Variants in SLIT2 observed in about 807,000 individuals in gnomAD.
SLIT2 encodes the protein slit homolog 2 protein.
SLIT2 carries 41 observed loss-of-function variants against 185.7 expected under a neutral mutation model. The ratio of observed to expected loss-of-function variants is 0.22; its 90% CI spans 0.17 to 0.29. The LOEUF (loss-of-function observed/expected upper bound fraction) is 0.29. Ranked by LOEUF, SLIT2 falls within the 10% of genes least tolerant of loss-of-function variation. The probability of loss-of-function intolerance (pLI) is 1.00; values close to 1 mark genes in which losing one functional copy is unlikely to be tolerated. For missense variants in SLIT2, 1,571 were observed against 1,909.0 expected (o/e 0.82, Z 3.30); for synonymous variants, 693 against 680.2 (o/e 1.02, Z -0.29).
At chr4:20,610,478 C>A (rs946785162) in intron 34 of SLIT2, among the ~76,000 whole-genome samples, 3 of 152,048 alleles carry the variant, frequency 2.0e-5, no homozygotes, top group Non-Finnish European at 4.4e-5. Flanking sequence ...TATATTTGAT[C>A]TGGTCTATGG....
chr4:20,415,293 C>T (rs1048584911), intron 4 of SLIT2, among the ~76,000 whole-genome samples: 6 of 151,810 alleles, frequency 4.0e-5, no homozygotes, highest in African/African-American at 1.2e-4. Context: ...CGCCTGTAGT[C>T]CCAGCTACTC....
chr4:20,536,006 G>C (rs977941076), intron 18 of SLIT2, among the ~76,000 whole-genome samples: 2 of 152,156 alleles, frequency 1.3e-5, no homozygotes, highest in African/African-American at 4.8e-5. Flanking sequence ...CTACAAACCT[G>C]TGCAGCATGT....
rs567520422 is a variant in SLIT2, at chr4:20,518,104, T to C, written c.1059-1278T>C. Among the ~76,000 whole-genome samples, 694 of 144,196 alleles carry C rather than the reference T, an allele frequency of 4.8e-3. 7 individuals are homozygous for C. The highest frequency in any genetic ancestry group is 0.017 in the African/African-American group (670 of 38,524). The allele number at this position is 144,196 out of a possible 152,430, so 94.6% of individuals were successfully genotyped here. A position where few individuals can be genotyped will look rare whatever the true frequency, so the allele number is the denominator to read the frequency against. Reference sequence around the variant, plus strand: ...GTGTGTATATATATATACACACACATATATATACATATACATATATATACA... The same window carrying C: ...GTGTGTATATATATATACACACACACATATATACATATACATATATATACA... On this transcript the variant is annotated intron_variant, in intron 11 of 36. Transcript: ENST00000504154.
At chr4:20,540,864 T>C (rs777084220) in intron 19 of SLIT2, among the ~76,000 whole-genome samples, 4 of 152,330 alleles carry the variant, frequency 2.6e-5, no homozygotes, top group Non-Finnish European at 4.4e-5. Context: ...AGGTTTATGC[T>C]GAAGTGGTGA....
At chr4:20,415,328 G>A (rs2109442001) in intron 4 of SLIT2, among the ~76,000 whole-genome samples, 1 of 147,268 alleles carries the variant, frequency 6.8e-6, no homozygotes, top group East Asian at 2.1e-4. Context: ...GGAGAATTGT[G>A]TGAAGCCAGG....
intron 5 of SLIT2, among the ~76,000 whole-genome samples, chr4:20,474,050 G>A (rs1715844930): frequency 6.6e-6 from 1 of 151,826 alleles, no homozygotes; most frequent in Non-Finnish European, 1.5e-5. Context: ...GCAAATGGTA[G>A]GTTGGTTTCT....
chr4:20,489,422 TAA>T (rs1717572587), intron 8 of SLIT2, among the ~76,000 whole-genome samples: 4 of 152,232 alleles, frequency 2.6e-5, no homozygotes, highest in African/African-American at 9.6e-5. Flanking sequence ...ACATGTATAC[TAA>T]TGGTTCAGTT....
intron 33 of SLIT2, among the ~76,000 whole-genome samples, chr4:20,605,930 G>A (rs952791476): frequency 6.6e-6 from 1 of 151,352 alleles, no homozygotes; most frequent in South Asian, 2.1e-4. Context: ...TTGTATTTTA[G>A]TAGAGACAGG....
intron 4 of SLIT2, among the ~76,000 whole-genome samples, chr4:20,326,973 T>G (rs1448313351): frequency 6.6e-6 from 1 of 151,910 alleles, no homozygotes; most frequent in East Asian, 1.9e-4. Context: ...ACAAGATAAT[T>G]ATTTTTGTAA....
intron 4 of SLIT2, among the ~76,000 whole-genome samples, chr4:20,303,453 G>A (rs1451524832): frequency 6.6e-6 from 1 of 151,910 alleles, no homozygotes; most frequent in Admixed American, 6.6e-5. Flanking sequence ...TGGAATTACA[G>A]TTACTTTTTT....
At chr4:20,354,784 A>G (rs903769403) in intron 4 of SLIT2, among the ~76,000 whole-genome samples, 4 of 151,996 alleles carry the variant, frequency 2.6e-5, no homozygotes, top group African/African-American at 9.7e-5. Flanking sequence ...CTAATTATAT[A>G]TTGTCACCAT....
intron 4 of SLIT2, among the ~76,000 whole-genome samples, chr4:20,466,113 C>T (rs1240577484): frequency 2.0e-5 from 3 of 152,070 alleles, no homozygotes; most frequent in African/African-American, 7.2e-5. Context: ...TTTTCCTCCT[C>T]ATTTCTTATT....
chr4:20,303,084 T>A (rs936905043), intron 4 of SLIT2, among the ~76,000 whole-genome samples: 1 of 152,242 alleles, frequency 6.6e-6, no homozygotes, highest in Non-Finnish European at 1.5e-5. Context: ...CTTTATTATC[T>A]ATATCTGTGA....
In SLIT2 at chr4:20,475,946, G is replaced by T. The variant is rs543480549; in HGVS notation, c.468-4770G>T. Among the ~76,000 whole-genome samples, 39 of 152,226 alleles carry T rather than the reference G, an allele frequency of 2.6e-4. No homozygotes were observed. The South Asian group carries it at 3.7e-3, about 15-fold the overall frequency. Reference sequence around the variant, plus strand: ...ATTCCTGTGAGAAAAGCAAATTGTTGCCTGAAATATTGTAAAAGGATTAAA... The same window carrying T: ...ATTCCTGTGAGAAAAGCAAATTGTTTCCTGAAATATTGTAAAAGGATTAAA... On this transcript the variant is annotated intron_variant, in intron 5 of 36. Transcript: ENST00000504154.
chr4:20,395,811 C>T lies in SLIT2; in HGVS notation c.396-71941C>T, dbSNP rs1394328591. On this transcript the variant is annotated intron_variant, in intron 4 of 36. Transcript: ENST00000504154. ...CCTAACTTATACCTTTATTAAAACACAAGTATTGAAAATTTTAAAAGAAAA... is the reference window on the plus strand; with the variant it reads ...CCTAACTTATACCTTTATTAAAACATAAGTATTGAAAATTTTAAAAGAAAA... Among the ~76,000 whole-genome samples, 6 of 151,780 alleles carry T rather than the reference C, an allele frequency of 4.0e-5. No individual in the cohort carries two copies. The South Asian group carries it at 1.2e-3, about 32-fold the overall frequency.
chr4:20,391,948 C>T (rs757493599), intron 4 of SLIT2, among the ~76,000 whole-genome samples: 4 of 152,038 alleles, frequency 2.6e-5, no homozygotes, highest in South Asian at 2.1e-4. Flanking sequence ...GGATTCTCAA[C>T]GATACCAGAG....
intron 4 of SLIT2, among the ~76,000 whole-genome samples, chr4:20,271,188 A>T (rs1222388233): frequency 6.6e-6 from 1 of 151,790 alleles, no homozygotes; most frequent in Non-Finnish European, 1.5e-5. Context: ...ATCCTTTATA[A>T]TGCTCATTTA....
chr4:20,354,308 G>A (rs1722128042), intron 4 of SLIT2, among the ~76,000 whole-genome samples: 1 of 150,110 alleles, frequency 6.7e-6, no homozygotes, highest in African/African-American at 2.5e-5. Flanking sequence ...AAGGTAATTT[G>A]TGGTCAGTGG....
rs751852124 is a variant in SLIT2 at position 20,256,646 on chromosome 4, C to T, written c.180-26C>T. ...AGGTAAACATAGAAATAAAATGGAA[C>T]TTTCACTTTCTGGTTTTTCTCTTAG... is the stretch of plus-strand genomic sequence containing the variant. On this transcript the variant is annotated intron_variant, in intron 1 of 36. Coordinates refer to ENST00000504154, the MANE Select transcript of SLIT2 (RefSeq NM_004787.4). 7 of 1,259,772 alleles carry T rather than the reference C, an allele frequency of 5.6e-6. No individual in the cohort carries two copies. In the East Asian group the frequency reaches 1.7e-4, roughly 30 times the overall value. 78.0% of individuals were successfully genotyped at this position (1,259,772 alleles called of 1,614,324 possible). A position where few individuals can be genotyped will look rare whatever the true frequency, so the allele number is the denominator to read the frequency against.
Sources: allele counts gnomAD v4.1 joint callset (sites outside exome capture counted in the v4.1 genomes callset), GRCh38; gene constraint gnomAD v4.1.1; transcripts MANE v1.5; gene names NCBI Gene and HGNC (gene_info 2026-07-23, HGNC 2026-07-21).